KIF27: variants seen among roughly 807,000 people sequenced by gnomAD.
KIF27 encodes kinesin-like protein KIF27.
A neutral mutation model predicts 141.8 loss-of-function variants in KIF27; 84 were observed. That is an observed-to-expected ratio of 0.59 (90% CI 0.50 to 0.71). The LOEUF (loss-of-function observed/expected upper bound fraction) is 0.71. Among genes scored for constraint, KIF27 ranks in the 30% least tolerant of loss-of-function variants. The probability of loss-of-function intolerance (pLI) is 0.00; values close to 1 mark genes in which losing one functional copy is unlikely to be tolerated. For synonymous variants in KIF27, 471 were observed against 569.5 expected, an observed-to-expected ratio of 0.83 and a Z score of 2.46; for missense variants, 1,306 against 1,628.4, an observed-to-expected ratio of 0.80 and a Z score of 3.41.
chr9:83,849,301 C>T (rs1948254999), intron 16 of KIF27: 2 of 152,186 alleles, frequency 1.3e-5, no homozygotes, highest in Non-Finnish European at 2.9e-5. Flanking sequence ...TAACCAGTGA[C>T]AGAATTAACT....
chr9:83,906,744 CA>C (rs565683124), intron 3 of KIF27, among the ~76,000 whole-genome samples: 2,269 of 50,048 alleles, frequency 0.045, 27 homozygotes, highest in African/African-American at 0.13. Flanking sequence ...ACCCTGTCTC[CA>C]AAAAAAAAAA....
chr9:83,898,500 G>A (rs1953499178), intron 5 of KIF27, among the ~76,000 whole-genome samples: 1 of 152,126 alleles, frequency 6.6e-6, no homozygotes, highest in South Asian at 2.1e-4. Context: ...TGAGGAAGAG[G>A]GAGGAATAAT....
chr9:83,836,062 A>G lies in KIF27; in HGVS notation c.*939T>C, dbSNP rs1945794289. 6.6e-6 allele frequency among the ~76,000 whole-genome samples: 1 copy of G among 152,166 alleles called. No individual in the cohort carries two copies. The highest frequency in any genetic ancestry group is 2.1e-4 in the South Asian group (1 of 4,834). On this transcript the variant is annotated 3_prime_UTR_variant, in exon 18 of 18. Transcript: ENST00000297814. ...AGATTTTAGTAAAAATTTCATTGAC[A>G]TATTTACAGCCCCAGTGTAGTTTGG...
chr9:83,848,160 ATGATATATC>A lies in KIF27; in HGVS notation c.3556+1930_3556+1938del, dbSNP rs1485438361. ...ATATGATATATCTGATATATCATAT[ATGATATATC>A]TGATATATCATATATGATATATATG... On this transcript the variant is annotated intron_variant, in intron 16 of 17. Coordinates refer to ENST00000297814, the MANE Select transcript of KIF27 (RefSeq NM_017576.4). Among the ~76,000 whole-genome samples, 11 of 42,968 alleles carry A rather than the reference ATGATATATC, an allele frequency of 2.6e-4. 2 individuals carry two copies. Among genetic ancestry groups the A allele is most frequent in the Middle Eastern group, 0.019 (1 of 54 alleles). The allele number at this position is 42,968 out of a possible 152,430, so 28.2% of individuals were successfully genotyped here.
intron 16 of KIF27, among the ~76,000 whole-genome samples, chr9:83,844,580 C>G (rs1947015745): frequency 1.3e-5 from 2 of 152,094 alleles, no homozygotes; most frequent in Admixed American, 1.3e-4. Context: ...TTGACATGAA[C>G]TGTTTACAGA....
Position 83,835,548 on chromosome 9 carries a change from A to C in KIF27, c.*1453T>G, listed in dbSNP as rs1441351845. On this transcript the variant is annotated 3_prime_UTR_variant, in exon 18 of 18. Coordinates refer to ENST00000297814, the MANE Select transcript of KIF27 (RefSeq NM_017576.4). ...TTGTTTTGTTTTGGTTTGTTTCCTA[A>C]AGGAACTGGTTTTTAGCAAGGAGAC... 3 of 152,032 alleles carry C rather than the reference A, an allele frequency of 2.0e-5. No homozygotes were observed. The highest frequency in any genetic ancestry group is 7.2e-5 in the African/African-American group (3 of 41,400). 9.4% of individuals were successfully genotyped at this position (152,032 alleles called of 1,614,324 possible).
intron 17 of KIF27, among the ~76,000 whole-genome samples, chr9:83,839,100 C>A (rs1339218292): frequency 6.7e-6 from 1 of 148,906 alleles, no homozygotes; most frequent in African/African-American, 2.4e-5. Flanking sequence ...TTTGAGGCTA[C>A]AGTGAGCCAT....
chr9:83,865,505 C>CA (rs1307918405), intron 13 of KIF27, among the ~76,000 whole-genome samples: 1 of 152,178 alleles, frequency 6.6e-6, no homozygotes, highest in Non-Finnish European at 1.5e-5. Flanking sequence ...CCATGTTGGT[C>CA]AGGCTGGTGT....
At position 83,883,994 on chromosome 9, in the gene KIF27, T is replaced by C. The variant is rs1951884013; in HGVS notation, c.2264A>G (p.Lys755Arg). 6.2e-7 allele frequency: 1 copy of C among 1,612,098 alleles called. No individual in the cohort carries two copies. Among genetic ancestry groups the C allele is most frequent in the Non-Finnish European group, 8.5e-7 (1 of 1,178,720 alleles). Residue 755 changes from lysine to arginine, a missense_variant, in exon 10 of 18, where the codon AAG (lysine) becomes AGG (arginine). Lys to Arg is a conservative substitution (Grantham distance 26). Coordinates refer to ENST00000297814, the MANE Select transcript of KIF27 (RefSeq NM_017576.4). ...CTTTGTTACTTTCAAAGAATACTGC[T>C]TGCTTACAGACTTGGCATCATTACC... ...KTGNDAKSVS[K>R]QYSLKVTKLE...
intron 5 of KIF27, among the ~76,000 whole-genome samples, chr9:83,899,368 C>G (rs937413604): frequency 6.6e-6 from 1 of 152,016 alleles, no homozygotes; most frequent in African/African-American, 2.4e-5. Context: ...TTCCTAATAC[C>G]TTGGCAAACA....
rs112942631 is a variant in KIF27 at position 83,856,252 on chromosome 9, A to G, written c.3151-2417T>C. On this transcript the variant is annotated intron_variant, in intron 14 of 17. Coordinates refer to ENST00000297814, the MANE Select transcript of KIF27 (RefSeq NM_017576.4). ...TTGCTGCTGGTCCAGAGACCAAGTA[A>G]AATGAAACAAAAAACTAACAACAAC... 6.6e-5 allele frequency among the ~76,000 whole-genome samples: 10 copies of G among 152,200 alleles called. 1 individual carries two copies. Among genetic ancestry groups the G allele is most frequent in the African/African-American group, 2.4e-4 (10 of 41,530 alleles).
At chr9:83,857,078 C>CAAAA (rs1276481036) in intron 14 of KIF27, among the ~76,000 whole-genome samples, 1 of 78,284 alleles carries the variant, frequency 1.3e-5, no homozygotes. Flanking sequence ...TGGATTTTAC[C>CAAAA]AAAAAAAAAA....
intron 5 of KIF27, among the ~76,000 whole-genome samples, chr9:83,894,507 G>A (rs1342663950): frequency 2.6e-5 from 4 of 152,206 alleles, no homozygotes; most frequent in Non-Finnish European, 5.9e-5. Context: ...CACTATCAAT[G>A]TGGTTTATGC....
At chr9:83,847,234 G>A (rs532567784) in intron 16 of KIF27, among the ~76,000 whole-genome samples, 4 of 152,188 alleles carry the variant, frequency 2.6e-5, no homozygotes, top group African/African-American at 4.8e-5. Context: ...GTGACCAGCC[G>A]CAGAAACGAG....
At chr9:83,917,874 T>A (rs1955850823) in intron 1 of KIF27, among the ~76,000 whole-genome samples, 2 of 152,144 alleles carry the variant, frequency 1.3e-5, no homozygotes, top group African/African-American at 4.8e-5. Context: ...CTTTATGACC[T>A]TGGATTTGGC....
intron 15 of KIF27, among the ~76,000 whole-genome samples, chr9:83,850,515 C>A (rs1473264785): frequency 6.6e-6 from 1 of 152,040 alleles, no homozygotes; most frequent in Non-Finnish European, 1.5e-5. Flanking sequence ...CACAGTGGCT[C>A]ACGCCTGTAG....
intron 3 of KIF27, 131 bp downstream of exon 3, chr9:83,908,321 A>T (rs1564002584): frequency 1.8e-6 from 1 of 542,080 alleles, no homozygotes; most frequent in Non-Finnish European, 3.2e-6. Context: ...TCAATTTAAA[A>T]GTAAAAATAA....
intron 6 of KIF27, 72 bp from the exon 7 acceptor site, chr9:83,889,325 T>C: frequency 2.2e-6 from 3 of 1,375,520 alleles, no homozygotes; most frequent in East Asian, 2.3e-5. Flanking sequence ...CCTATTACTC[T>C]AAGTGCTTTT....
In KIF27 at chr9:83,836,931, G is replaced by A; in HGVS notation, c.*70C>T. The A allele has an allele frequency of 1.9e-6, 3 of 1,547,280 alleles. No homozygotes were observed. Among genetic ancestry groups the A allele is most frequent in the South Asian group, 1.2e-5 (1 of 80,098 alleles). On this transcript the variant is annotated 3_prime_UTR_variant, in exon 18 of 18. Coordinates refer to ENST00000297814, the MANE Select transcript of KIF27 (RefSeq NM_017576.4). Reference sequence around the variant, plus strand: ...CTGAGGAAAGAGGTAGTGAACTTGAGCTTTAGTTTTTAACAGGTTAGAAAA... The same window carrying A: ...CTGAGGAAAGAGGTAGTGAACTTGAACTTTAGTTTTTAACAGGTTAGAAAA...
Sources: allele counts gnomAD v4.1 joint callset (sites outside exome capture counted in the v4.1 genomes callset), GRCh38; gene constraint gnomAD v4.1.1; transcripts MANE v1.5; gene names NCBI Gene and HGNC (gene_info 2026-07-23, HGNC 2026-07-21).